CELSR1: variants seen among roughly 807,000 people sequenced by gnomAD.
The protein encoded by CELSR1 is adhesion G protein-coupled receptor C1.
CELSR1 carries 110 observed loss-of-function variants against 249.1 expected under a neutral mutation model. The ratio of observed to expected loss-of-function variants is 0.44; its 90% CI spans 0.38 to 0.52. The LOEUF is 0.52. Ranked by LOEUF, CELSR1 falls within the 20% of genes least tolerant of loss-of-function variation. The probability of loss-of-function intolerance (pLI) is 0.00; values close to 1 mark genes in which losing one functional copy is unlikely to be tolerated. For synonymous variants in CELSR1, 2,113 were observed against 1,900.0 expected (o/e 1.11, Z -2.92); for missense variants, 4,109 against 4,296.4 (o/e 0.96, Z 1.22).
In CELSR1 at chr22:46,363,115, T is replaced by C. The variant is rs1247343346; in HGVS notation, c.*108A>G. 2.5e-6 allele frequency: 4 copies of C among 1,612,348 alleles called. No homozygotes were observed. Among genetic ancestry groups the C allele is most frequent in the Admixed American group, 3.3e-5 (2 of 59,990 alleles). On this transcript the variant is annotated 3_prime_UTR_variant, in exon 35 of 35. Coordinates refer to ENST00000674500, the MANE Select transcript of CELSR1 (RefSeq NM_001378328.1). This position sits in a 1 kb window ranked among gnomAD's most constrained non-coding sequence, Gnocchi z 4.3. ...TGGGCCCACTCCACTTCAAGGGCAG[T>C]GGCCCCTTGGGCTCCAAGGTCTGAG... is the stretch of plus-strand genomic sequence containing the variant.
chr22:46,434,320 C>T lies in CELSR1; in HGVS notation c.4523-839G>A, dbSNP rs945999651. The stretch of plus-strand genomic sequence containing the variant: ...CCCTTTGGGGATTCTGGGGCACAAC[C>T]CTGAGTCAGCAGCAGCAGCTGGGAG... On this transcript the variant is annotated intron_variant, in intron 4 of 34. Transcript: ENST00000674500. This position sits in a 1 kb window ranked among gnomAD's most constrained non-coding sequence, Gnocchi z 4.9. 6.6e-6 allele frequency among the ~76,000 whole-genome samples: 1 copy of T among 152,160 alleles called. No individual in the cohort carries two copies. The highest frequency in any genetic ancestry group is 2.4e-5 in the African/African-American group (1 of 41,430).
In CELSR1 at chr22:46,442,231, C is replaced by G. The variant is rs567341025; in HGVS notation, c.4184-2820G>C. Among the ~76,000 whole-genome samples the G allele has an allele frequency of 3.1e-4, 47 of 152,348 alleles. No homozygotes were observed. In the East Asian group the frequency reaches 6.7e-3, roughly 22 times the overall value. ...TACCCCCCACCCTTCCCCTCCAGGACGGGGCTCTGGGGTGTGGGTTGCTGA... is the reference window on the plus strand; with the variant it reads ...TACCCCCCACCCTTCCCCTCCAGGAGGGGGCTCTGGGGTGTGGGTTGCTGA... On this transcript the variant is annotated intron_variant, in intron 2 of 34. Transcript: ENST00000674500.
chr22:46,392,943 C>T (rs2079109131), intron 14 of CELSR1, among the ~76,000 whole-genome samples: 1 of 152,172 alleles, frequency 6.6e-6, no homozygotes, highest in Admixed American at 6.5e-5. Flanking sequence ...CCCACTATGC[C>T]ACCACCGCCA....
In CELSR1 at chr22:46,463,957, G is replaced by C. The variant is rs1322474069; in HGVS notation, c.3933C>G (p.Pro1311=). ...PFDDNICLRE[P]CENYMKCVSV... is the part of the protein sequence containing the mutation. ...ACACGCACTTCATGTAGTTCTCGCA[G>C]GGCTCGCGCAGGCAGATGTTGTCGT... Residue 1311 remains proline (P), a synonymous_variant, in exon 2 of 35, where the codon CCC becomes CCG. Transcript: ENST00000674500. The C allele has an allele frequency of 6.2e-7, 1 of 1,613,930 alleles. No individual in the cohort carries two copies. Among genetic ancestry groups the C allele is most frequent in the Non-Finnish European group, 8.5e-7 (1 of 1,180,040 alleles).
intron 24 of CELSR1, among the ~76,000 whole-genome samples, chr22:46,373,447 T>C (rs1183600827): frequency 8.9e-6 from 1 of 112,732 alleles, no homozygotes; most frequent in African/African-American, 3.5e-5. Flanking sequence ...CACCCAGTGC[T>C]CGGGGTTGGG....
intron 1 of CELSR1, among the ~76,000 whole-genome samples, chr22:46,469,982 G>C (rs181594300): frequency 4.0e-5 from 5 of 124,436 alleles, no homozygotes; most frequent in African/African-American, 6.0e-5. Flanking sequence ...GGAGGGAGGA[G>C]GAGGGGAGGG....
chr22:46,414,703 G>A (rs555184408), intron 5 of CELSR1, among the ~76,000 whole-genome samples: 4 of 152,388 alleles, frequency 2.6e-5, no homozygotes, highest in African/African-American at 9.6e-5. Flanking sequence ...GGTGCTGTGG[G>A]TGACCTGAGA....
rs912348251 is a variant in CELSR1 at position 46,393,208 on chromosome 22, G to A, written c.5964+934C>T. Among the ~76,000 whole-genome samples, 5 of 152,282 alleles carry A rather than the reference G, an allele frequency of 3.3e-5. No individual in the cohort carries two copies. Among genetic ancestry groups the A allele is most frequent in the African/African-American group, 1.2e-4 (5 of 41,564 alleles). The stretch of plus-strand genomic sequence containing the variant: ...ATTTGGGTTTCAAGTCACTGTGAGC[G>A]CCATGGCCGTGGTGTACACGAAGAT... On this transcript the variant is annotated intron_variant, in intron 14 of 34. Transcript: ENST00000674500. This position sits in a 1 kb window ranked among gnomAD's most constrained non-coding sequence, Gnocchi z 4.1.
At position 46,391,201 on chromosome 22, in the gene CELSR1, G is replaced by A. The variant is rs1337279118; in HGVS notation, c.6235C>T (p.Pro2079Ser). The change falls in exon 16 of 35, where the codon CCT becomes TCT. Residue 2079 changes from proline (P) to serine (S), a missense_variant. Coordinates refer to ENST00000674500, the MANE Select transcript of CELSR1 (RefSeq NM_001378328.1). This position sits in a 1 kb window ranked among gnomAD's most constrained non-coding sequence, Gnocchi z 4.3. ...GGCGACTCACCAACGGATCCCTTAG[G>A]GCATGGCACCGCAGCCGGCTGCCCG... ...KFGQPAAVPC[P>S]KGSVGNAVRH... is the part of the protein sequence containing the mutation. 9 of 1,613,144 alleles carry A rather than the reference G, an allele frequency of 5.6e-6. No individual in the cohort carries two copies. Among genetic ancestry groups the A allele is most frequent in the South Asian group, 2.2e-5 (2 of 91,060 alleles).
At chr22:46,470,007 A>AGGGAGGAGGAGGGG in intron 1 of CELSR1, among the ~76,000 whole-genome samples, 1 of 13,462 alleles carries the variant, frequency 7.4e-5, no homozygotes, top group South Asian at 2.5e-3. Context: ...AGGGAGAGGC[A>AGGGAGGAGGAGGGG]AAGGGGCCAG....
At position 46,499,567 on chromosome 22, in the gene CELSR1, A is replaced by G. The variant is rs543791505; in HGVS notation, c.3544+34060T>C. On this transcript the variant is annotated intron_variant, in intron 1 of 34. Transcript: ENST00000674500. The stretch of plus-strand genomic sequence containing the variant: ...TAAATCCATCCAATTGTATATATCT[A>G]TTTTCAGGAAGCCCTGGCACAGATA... Among the ~76,000 whole-genome samples, 3 of 152,294 alleles carry G rather than the reference A, an allele frequency of 2.0e-5. No individual in the cohort carries two copies. The East Asian group carries it at 5.8e-4, about 29-fold the overall frequency.
Position 46,536,158 on chromosome 22 carries a change from T to C in CELSR1, c.1013A>G (p.Tyr338Cys). 6.2e-7 allele frequency: 1 copy of C among 1,612,950 alleles called. No individual in the cohort carries two copies. The highest frequency in any genetic ancestry group is 2.2e-5 in the East Asian group (1 of 44,880). Residue 338 changes from tyrosine (Y) to cysteine (C), a missense_variant, in exon 1 of 35, where the codon TAC becomes TGC. This residue lies in a region of CELSR1 where 673 missense variants were observed against 636.8 expected (regional missense o/e 1.06). Coordinates refer to ENST00000674500, the MANE Select transcript of CELSR1 (RefSeq NM_001378328.1). ...YSTPPRSATT[Y>C]ITVLVKDTND... ...GGTGTCTTTGACCAAGACAGTGATG[T>C]AGGTGGTGGCCGAGCGCGGCGGCGT...
At position 46,390,097 on chromosome 22, in the gene CELSR1, G is replaced by A. The variant is rs2079072992; in HGVS notation, c.6345+295C>T. ...GAACAAAAGCCATGAAATAGGGCAG[G>A]ATCAGAGGGCAAATGGAGTCAAATG... On this transcript the variant is annotated intron_variant, in intron 17 of 34. Coordinates refer to ENST00000674500, the MANE Select transcript of CELSR1 (RefSeq NM_001378328.1). The surrounding 1 kb of genome is among the most constrained non-coding windows in gnomAD (Gnocchi z 6.3). Among the ~76,000 whole-genome samples the A allele has an allele frequency of 6.6e-6, 1 of 152,234 alleles. No individual in the cohort carries two copies. Among genetic ancestry groups the A allele is most frequent in the Non-Finnish European group, 1.5e-5 (1 of 68,044 alleles).
chr22:46,370,561 G>A (rs532706614), intron 25 of CELSR1, among the ~76,000 whole-genome samples: 8 of 152,332 alleles, frequency 5.3e-5, no homozygotes, highest in African/African-American at 1.9e-4. Context: ...TCCATGCAGA[G>A]CATCAAGGTG....
intron 2 of CELSR1, among the ~76,000 whole-genome samples, chr22:46,442,355 C>T (rs1408192708): frequency 6.6e-6 from 1 of 152,244 alleles, no homozygotes; most frequent in Non-Finnish European, 1.5e-5. Context: ...TCAGGGTGGA[C>T]ACAGTGACCA....
intron 33 of CELSR1, 60 bp from the exon 34 acceptor site, chr22:46,364,311 G>C: frequency 6.3e-7 from 1 of 1,581,726 alleles, no homozygotes; most frequent in Non-Finnish European, 8.5e-7. Context: ...GCAGCTGCTG[G>C]GCCGTGTGCA....
rs1331356280 is a variant in CELSR1, at chr22:46,436,870, C to A, written c.4407-581G>T. On this transcript the variant is annotated intron_variant, in intron 3 of 34. Transcript: ENST00000674500. This position sits in a 1 kb window ranked among gnomAD's most constrained non-coding sequence, Gnocchi z 5.9. ...GCAGATCACTCAGGGGTCAACCCAG[C>A]TGTACTTGCCCTGACTCATTGTACT... is the stretch of plus-strand genomic sequence containing the variant. 1.3e-5 allele frequency among the ~76,000 whole-genome samples: 2 copies of A among 152,206 alleles called. No individual in the cohort carries two copies.
chr22:46,498,807 G>A lies in CELSR1; in HGVS notation c.3545-34462C>T, dbSNP rs898739674. ...AGACAACTGGGAAAACTAAGCCTCC[G>A]CCCCCTAACATTACCCCAAAATTAA... On this transcript the variant is annotated intron_variant, in intron 1 of 34. Coordinates refer to ENST00000674500, the MANE Select transcript of CELSR1 (RefSeq NM_001378328.1). Among the ~76,000 whole-genome samples, 3 of 151,740 alleles carry A rather than the reference G, an allele frequency of 2.0e-5. No homozygotes were observed. In the East Asian group the frequency reaches 5.8e-4, roughly 29 times the overall value.
At chr22:46,439,555 G>A in intron 2 of CELSR1, 144 bp from the exon 3 acceptor site, 4 of 661,976 alleles carry the variant, frequency 6.0e-6, no homozygotes, top group Non-Finnish European at 1.0e-5. Context: ...ACAGGTCTGT[G>A]ACATGAACAG....
Sources: gnomAD v4.1 joint callset for allele counts (sites outside exome capture counted in the v4.1 genomes callset) on GRCh38, gnomAD v4.1.1 for gene constraint, gnomAD v4.1.1 regional missense constraint, Gnocchi (gnomAD v3.1) non-coding constraint, MANE v1.5 for transcripts, NCBI Gene and HGNC (gene_info 2026-07-23, HGNC 2026-07-21) for gene names.